Variants in PEPD observed in about 807,000 individuals in gnomAD.
PEPD encodes peptidase D, also known as xaa-Pro dipeptidase.
PEPD carries 53 observed loss-of-function variants against 60.7 expected under a neutral mutation model. That is an observed-to-expected ratio of 0.87 (90% CI 0.70 to 1.10). PEPD has a LOEUF of 1.10. PEPD is among the 50% of genes least tolerant of loss of function. PEPD has a pLI of 0.00. For synonymous variants in PEPD, 267 were observed against 284.1 expected, an observed-to-expected ratio of 0.94 and a Z score of 0.60; for missense variants, 711 against 711.9, an observed-to-expected ratio of 1.00 and a Z score of 0.01.
At position 33,391,290 on chromosome 19, in the gene PEPD, C is replaced by A; in HGVS notation, c.1152+5G>T. The A allele has an allele frequency of 1.2e-6, 2 of 1,609,638 alleles. No individual in the cohort carries two copies. The highest frequency in any genetic ancestry group is 1.7e-6 in the Non-Finnish European group (2 of 1,178,222). On this transcript the variant is annotated splice_donor_5th_base_variant and intron_variant, in intron 13 of 14. Transcript: ENST00000244137. ...GGCCACTCCGCCTGCCATGTCCACACTGACCTCTGGGTAGCCTCCCACGTC... is the reference window on the plus strand; with the variant it reads ...GGCCACTCCGCCTGCCATGTCCACAATGACCTCTGGGTAGCCTCCCACGTC...
intron 6 of PEPD, among the ~76,000 whole-genome samples, chr19:33,486,451 C>T (rs1970398565): frequency 6.6e-6 from 1 of 152,002 alleles, no homozygotes; most frequent in Non-Finnish European, 1.5e-5. Flanking sequence ...ACCATCCCGG[C>T]CTACACCCTT....
At chr19:33,463,685 A>T (rs143474108) in intron 8 of PEPD, among the ~76,000 whole-genome samples, 2 of 152,354 alleles carry the variant, frequency 1.3e-5, no homozygotes, top group Admixed American at 1.3e-4. Context: ...TGGGATATGA[A>T]GAAGGAGCAC....
intron 9 of PEPD, among the ~76,000 whole-genome samples, chr19:33,443,973 T>TGC (rs750955961): frequency 5.3e-5 from 8 of 151,378 alleles, no homozygotes; most frequent in East Asian, 1.9e-4. Context: ...TGCACGCGCG[T>TGC]GCGCGCGCAC....
intron 7 of PEPD, among the ~76,000 whole-genome samples, chr19:33,467,263 C>T (rs1970038422): frequency 6.6e-6 from 1 of 152,022 alleles, no homozygotes; most frequent in Non-Finnish European, 1.5e-5. Flanking sequence ...ACATCCGACC[C>T]AAAGAGAAGG....
At chr19:33,478,319 A>G (rs991778328) in intron 6 of PEPD, among the ~76,000 whole-genome samples, 1 of 152,208 alleles carries the variant, frequency 6.6e-6, no homozygotes, top group African/African-American at 2.4e-5. Context: ...TTATGGCTAC[A>G]AAACACCAGC....
intron 9 of PEPD, among the ~76,000 whole-genome samples, chr19:33,418,089 G>A (rs1016200799): frequency 2.6e-5 from 4 of 152,236 alleles, no homozygotes; most frequent in Admixed American, 1.3e-4. Flanking sequence ...CCTTCCCGGG[G>A]TGCGCCCAGG....
rs145218490 is a variant in PEPD at position 33,404,156 on chromosome 19, C to T, written c.819-2287G>A. 3.4e-3 allele frequency among the ~76,000 whole-genome samples: 520 copies of T among 152,356 alleles called. 4 individuals are homozygous for T. Among genetic ancestry groups the T allele is most frequent in the African/African-American group, 0.012 (504 of 41,588 alleles). On this transcript the variant is annotated intron_variant, in intron 11 of 14. Transcript: ENST00000244137. ...GTTTTTCCATCTGTAAAATGGGACCCTCCCACTGCTGTAGCTCTGGGGAGT... is the reference window on the plus strand; with the variant it reads ...GTTTTTCCATCTGTAAAATGGGACCTTCCCACTGCTGTAGCTCTGGGGAGT...
chr19:33,405,920 G>A (rs1020307596), intron 11 of PEPD, among the ~76,000 whole-genome samples: 5 of 152,252 alleles, frequency 3.3e-5, no homozygotes, highest in Admixed American at 3.3e-4. Context: ...CCTGGTGCAC[G>A]CGGTGGGTGA....
chr19:33,503,943 A>C (rs1970755771), intron 3 of PEPD, among the ~76,000 whole-genome samples: 1 of 151,876 alleles, frequency 6.6e-6, no homozygotes, highest in African/African-American at 2.4e-5. Context: ...ACTCACCCCA[A>C]CTGTGCGGAG....
intron 9 of PEPD, among the ~76,000 whole-genome samples, chr19:33,459,545 G>C (rs941950757): frequency 2.6e-5 from 4 of 152,100 alleles, no homozygotes; most frequent in Admixed American, 2.0e-4. Context: ...TACCCAACAC[G>C]GACGTCTTAT....
intron 4 of PEPD, among the ~76,000 whole-genome samples, chr19:33,498,034 G>A (rs1970640081): frequency 6.6e-6 from 1 of 151,984 alleles, no homozygotes; most frequent in South Asian, 2.1e-4. Flanking sequence ...GGGGGCTACG[G>A]CCCAGCACAG....
chr19:33,478,502 A>G (rs1381332978), intron 6 of PEPD, among the ~76,000 whole-genome samples: 1 of 152,230 alleles, frequency 6.6e-6, no homozygotes, highest in East Asian at 1.9e-4. Flanking sequence ...GGATAAATTC[A>G]AAGATATCCA....
intron 7 of PEPD, among the ~76,000 whole-genome samples, chr19:33,471,803 G>A (rs1320843958): frequency 6.6e-6 from 1 of 152,044 alleles, no homozygotes; most frequent in Admixed American, 6.6e-5. Context: ...GGCCAAGGCT[G>A]AGCACAGGAA....
chr19:33,514,624 GGC>G (rs935633708), intron 1 of PEPD, among the ~76,000 whole-genome samples: 1 of 151,896 alleles, frequency 6.6e-6, no homozygotes, highest in Non-Finnish European at 1.5e-5. Flanking sequence ...CCTGTCTCCA[GGC>G]GCACTGAGCC....
chr19:33,494,864 G>A (rs928610467), intron 4 of PEPD, among the ~76,000 whole-genome samples: 7 of 152,132 alleles, frequency 4.6e-5, no homozygotes, highest in Admixed American at 6.6e-5. Flanking sequence ...ATTCCTCTAC[G>A]GACACTTAAA....
chr19:33,414,691 C>A lies in PEPD; in HGVS notation c.672-1048G>T, dbSNP rs927073465. On this transcript the variant is annotated intron_variant, in intron 9 of 14. Coordinates refer to ENST00000244137, the MANE Select transcript of PEPD (RefSeq NM_000285.4). ...AGGCCTGCCTTAGAGAACGTCCATA[C>A]GAGGGAGTTTCATCTTCTAGGCACT... Among the ~76,000 whole-genome samples, 3 of 151,228 alleles carry A rather than the reference C, an allele frequency of 2.0e-5. No individual in the cohort carries two copies. In the Admixed American group the frequency reaches 2.0e-4, roughly 10 times the overall value.
At chr19:33,403,000 C>T (rs936583716) in intron 11 of PEPD, among the ~76,000 whole-genome samples, 4 of 152,164 alleles carry the variant, frequency 2.6e-5, no homozygotes, top group South Asian at 2.1e-4. Context: ...CTCTGGGCAA[C>T]GGCAGAGAAG....
intron 2 of PEPD, among the ~76,000 whole-genome samples, chr19:33,512,140 G>A (rs895525930): frequency 1.2e-4 from 19 of 152,328 alleles, no homozygotes; most frequent in Middle Eastern, 6.8e-3. Flanking sequence ...GGGCATGGCA[G>A]CGGGGAGAAA....
At chr19:33,481,357 A>C (rs144956538) in intron 6 of PEPD, among the ~76,000 whole-genome samples, 2,908 of 152,236 alleles carry the variant, frequency 0.019, 76 homozygotes, top group African/African-American at 0.065. Flanking sequence ...ACCTGAGGTC[A>C]GGAGTTCGAG....
Sources: gnomAD v4.1 joint callset for allele counts (sites outside exome capture counted in the v4.1 genomes callset) on GRCh38, gnomAD v4.1.1 for gene constraint, MANE v1.5 for transcripts, NCBI Gene and HGNC (gene_info 2026-07-23, HGNC 2026-07-21) for gene names.